PUDP: variants seen among roughly 807,000 people sequenced by gnomAD.
PUDP encodes the protein pseudouridine 5'-phosphatase.
A neutral mutation model predicts 9.4 loss-of-function variants in PUDP; 8 were observed. The ratio of observed to expected loss-of-function variants is 0.85; its 90% CI spans 0.50 to 1.53. PUDP has a LOEUF of 1.53. Among genes scored for constraint, PUDP ranks in the 40% most tolerant of loss-of-function variants. The pLI is 0.00. For missense variants in PUDP, 188 were observed against 189.7 expected, an observed-to-expected ratio of 0.99 and a Z score of 0.05; for synonymous variants, 99 against 80.7, an observed-to-expected ratio of 1.23 and a Z score of -1.22.
chrX:6,762,652 A>T (rs1221991962), intron 3 of PUDP, among the ~76,000 whole-genome samples: 1 of 112,440 alleles, frequency 8.9e-6, no homozygotes, highest in African/African-American at 3.2e-5. Context: ...ATGAATACTT[A>T]AAATAGCAGG....
chrX:6,754,516 TC>T (rs1237259974), intron 3 of PUDP, among the ~76,000 whole-genome samples: 2 of 110,113 alleles, frequency 1.8e-5, no homozygotes, highest in Non-Finnish European at 3.8e-5. Context: ...CATATATAAC[TC>T]ATATATGTCA....
rs139498810 is a variant in PUDP at position 6,719,760 on chromosome X, G to A, written n.128+1657C>T. Among the ~76,000 whole-genome samples the A allele has an allele frequency of 3.0e-4, 34 of 111,819 alleles. No homozygotes were observed. The East Asian group carries it at 8.2e-3, about 27-fold the overall frequency. On this transcript the variant is annotated intron_variant and non_coding_transcript_variant, in intron 1 of 2. Transcript: ENST00000438499. ...AGTGCATGAGTTGTCTAGTGTATTAGGTGCACGCCCAATCCACAGTCAATA... is the reference window on the plus strand; with the variant it reads ...AGTGCATGAGTTGTCTAGTGTATTAAGTGCACGCCCAATCCACAGTCAATA...
intron 1 of PUDP, among the ~76,000 whole-genome samples, chrX:7,147,621 A>G (rs1380400503): frequency 8.9e-6 from 1 of 112,246 alleles, no homozygotes; most frequent in African/African-American, 3.2e-5. Context: ...CCTCCAGGCT[A>G]CTTTGCAGAC....
At chrX:6,794,099 G>C (rs1037110559) in intron 3 of PUDP, among the ~76,000 whole-genome samples, 2 of 111,940 alleles carry the variant, frequency 1.8e-5, no homozygotes, top group Non-Finnish European at 3.8e-5. Context: ...ACAGAAGCTG[G>C]CTTAAAAAGC....
chrX:6,968,786 A>C (rs775950326), intron 3 of PUDP, among the ~76,000 whole-genome samples: 11 of 110,480 alleles, frequency 1.0e-4, no homozygotes, highest in Non-Finnish European at 1.7e-4. Flanking sequence ...TACCCAGCTA[A>C]TTTTTGTATT....
At chrX:6,728,117 G>A (rs188510007) in intron 3 of PUDP, among the ~76,000 whole-genome samples, 17 of 110,958 alleles carry the variant, frequency 1.5e-4, no homozygotes, top group African/African-American at 4.3e-4. Context: ...GTTACATGGT[G>A]GCAGACAAGA....
intron 3 of PUDP, among the ~76,000 whole-genome samples, chrX:6,879,775 G>A (rs1229155998): frequency 1.8e-5 from 2 of 111,305 alleles, no homozygotes; most frequent in African/African-American, 6.5e-5. Context: ...GGTAGATGGG[G>A]GTCTCTTCTG....
chrX:6,793,555 C>A (rs367944041), intron 3 of PUDP, among the ~76,000 whole-genome samples: 2 of 112,192 alleles, frequency 1.8e-5, no homozygotes, highest in African/African-American at 6.5e-5. Flanking sequence ...TAAAGAGTCT[C>A]AATGACATGA....
At chrX:6,996,608 ATGTATATATATATATGTG>A (rs1319388275) in intron 1 of PUDP, among the ~76,000 whole-genome samples, 2 of 104,808 alleles carry the variant, frequency 1.9e-5, no homozygotes, top group African/African-American at 7.2e-5. Flanking sequence ...ATACATACAT[ATGTATATATATATATGTG>A]TGTGTATATA....
At chrX:6,957,443 C>A (rs1251920124) in intron 3 of PUDP, among the ~76,000 whole-genome samples, 1 of 111,287 alleles carries the variant, frequency 9.0e-6, no homozygotes, top group Non-Finnish European at 1.9e-5. Context: ...CTTCTCTTTG[C>A]TCTTCTGCCT....
In PUDP at chrX:6,908,815, TG is replaced by T. The variant is rs746914026; in HGVS notation, c.*247+68317del. Among the ~76,000 whole-genome samples, 9 of 112,169 alleles carry T rather than the reference TG, an allele frequency of 8.0e-5. No homozygotes were observed. The East Asian group carries it at 2.5e-3, about 32-fold the overall frequency. ...GCCTAAAAGAACTAATACAGACCTG[TG>T]GTTTTCCAAATCCATCATCTCATCA... is the stretch of plus-strand genomic sequence containing the variant. On this transcript the variant is annotated intron_variant and NMD_transcript_variant, in intron 3 of 3. Coordinates refer to the PUDP transcript ENST00000655425.
chrX:6,811,942 C>T (rs1036362262), intron 3 of PUDP, among the ~76,000 whole-genome samples: 1 of 112,205 alleles, frequency 8.9e-6, no homozygotes, highest in Admixed American at 9.4e-5. Context: ...GGACTGGCCC[C>T]CAGGAAAAGA....
At chrX:6,909,014 G>T (rs1032884396) in intron 3 of PUDP, among the ~76,000 whole-genome samples, 1 of 111,322 alleles carries the variant, frequency 9.0e-6, no homozygotes, top group Admixed American at 9.6e-5. Flanking sequence ...CTAGATATGA[G>T]ATCAACTTGT....
chrX:6,914,986 G>A (rs980612133), intron 3 of PUDP, among the ~76,000 whole-genome samples: 1 of 111,838 alleles, frequency 8.9e-6, no homozygotes, highest in Non-Finnish European at 1.9e-5. Flanking sequence ...AAAGCATGTT[G>A]GTGTTCAATT....
At chrX:6,997,572 G>A (rs1181290655) in intron 1 of PUDP, among the ~76,000 whole-genome samples, 1 of 112,459 alleles carries the variant, frequency 8.9e-6, no homozygotes, top group Non-Finnish European at 1.9e-5. Context: ...ATAATGTTGA[G>A]AAATCATTTA....
chrX:6,987,533 A>G (rs1008742899), intron 1 of PUDP, among the ~76,000 whole-genome samples: 2 of 112,397 alleles, frequency 1.8e-5, no homozygotes, highest in Non-Finnish European at 3.8e-5. Context: ...GACAGCAACT[A>G]AGACAGACTG....
upstream of PUDP, among the ~76,000 whole-genome samples, chrX:6,723,582 T>C (rs1243174785): frequency 9.2e-6 from 1 of 109,191 alleles, no homozygotes. Context: ...AAAAATGTGA[T>C]TGGCTCAGGA....
chrX:6,722,224 C>T (rs2146655772), upstream of PUDP, among the ~76,000 whole-genome samples: 1 of 110,925 alleles, frequency 9.0e-6, no homozygotes, highest in South Asian at 3.8e-4. Context: ...GGCGGGTGGA[C>T]CACTTGAGGT....
At chrX:6,798,101 T>C (rs1348106764) in intron 3 of PUDP, among the ~76,000 whole-genome samples, 3 of 112,230 alleles carry the variant, frequency 2.7e-5, no homozygotes, top group Non-Finnish European at 5.6e-5. Flanking sequence ...AATAAACACA[T>C]ACCAAAGACT....
Sources: gnomAD v4.1 joint callset for allele counts (sites outside exome capture counted in the v4.1 genomes callset) on GRCh38, gnomAD v4.1.1 for gene constraint, MANE v1.5 for transcripts, NCBI Gene and HGNC (gene_info 2026-07-23, HGNC 2026-07-21) for gene names.